Variants in SCHIP1 observed in about 807,000 individuals in gnomAD.
The protein encoded by SCHIP1 is schwannomin-interacting protein 1.
In SCHIP1, 8 loss-of-function variants were observed where a neutral mutation model predicts 29.7. The ratio of observed to expected loss-of-function variants is 0.27; its 90% CI spans 0.16 to 0.49. The LOEUF (loss-of-function observed/expected upper bound fraction) is 0.49. SCHIP1 is among the 20% of genes least tolerant of loss of function. The pLI is 0.99. For missense variants in SCHIP1, 193 were observed against 294.6 expected (o/e 0.66, Z 2.52); for synonymous variants, 76 against 94.9 (o/e 0.80, Z 1.16).
chr3:159,413,830 T>A, the SCHIP1 span, among the ~76,000 whole-genome samples: 3 of 152,164 alleles, frequency 2.0e-5, no homozygotes, highest in Non-Finnish European at 4.4e-5. Context: ...ATCTTAGTGT[T>A]AAAAATATAA....
At chr3:159,721,362 T>C in the SCHIP1 span, among the ~76,000 whole-genome samples, 2 of 152,188 alleles carry the variant, frequency 1.3e-5, no homozygotes, top group African/African-American at 4.8e-5. Flanking sequence ...AGTTACAAAT[T>C]TAGTGCTTGA....
the SCHIP1 span, chr3:159,768,177 A>T: frequency 6.6e-6 from 1 of 152,138 alleles, no homozygotes; most frequent in Non-Finnish European, 1.5e-5. Context: ...AATAATTTGA[A>T]ATAAAAGGAA....
the SCHIP1 span, among the ~76,000 whole-genome samples, chr3:159,502,898 C>T: frequency 3.7e-4 from 56 of 152,126 alleles, no homozygotes; most frequent in Non-Finnish European, 6.0e-4. Flanking sequence ...CAGGATTAAG[C>T]AAGGAAGGGC....
At chr3:159,890,563 C>A (rs887135852) in intron 5 of SCHIP1, among the ~76,000 whole-genome samples, 3 of 152,064 alleles carry the variant, frequency 2.0e-5, no homozygotes, top group African/African-American at 7.2e-5. Context: ...GATTAAGAAA[C>A]CATAGATTCA....
At chr3:159,360,976 T>A in the SCHIP1 span, among the ~76,000 whole-genome samples, 3 of 152,176 alleles carry the variant, frequency 2.0e-5, no homozygotes, top group African/African-American at 7.2e-5. Flanking sequence ...TCGGGGTTAC[T>A]TTTATCTTTA....
chr3:159,635,413 G>T, the SCHIP1 span, among the ~76,000 whole-genome samples: 1 of 152,172 alleles, frequency 6.6e-6, no homozygotes, highest in Non-Finnish European at 1.5e-5. Flanking sequence ...AATTGACATG[G>T]AAGTATTTTA....
the SCHIP1 span, among the ~76,000 whole-genome samples, chr3:159,513,246 C>A: frequency 1.3e-5 from 2 of 152,148 alleles, no homozygotes; most frequent in African/African-American, 4.8e-5. Flanking sequence ...GTGGGGGGTA[C>A]AAAGACAGCT....
the SCHIP1 span, among the ~76,000 whole-genome samples, chr3:159,596,983 A>T: frequency 0.056 from 7,210 of 128,738 alleles, 590 homozygotes; most frequent in African/African-American, 0.24. Context: ...AAGCATCTTT[A>T]AAAAAAAAAA....
At chr3:159,843,541 C>T (rs1577413853) in intron 1 of SCHIP1, among the ~76,000 whole-genome samples, 1 of 152,056 alleles carries the variant, frequency 6.6e-6, no homozygotes, top group East Asian at 1.9e-4. Flanking sequence ...CATTGTAAGG[C>T]AGGGCGTGGT....
chr3:159,421,385 G>C, the SCHIP1 span, among the ~76,000 whole-genome samples: 1 of 152,216 alleles, frequency 6.6e-6, no homozygotes, highest in African/African-American at 2.4e-5. Context: ...CTTTCATCAA[G>C]AGGAATCCTG....
chr3:159,533,900 T>G, the SCHIP1 span, among the ~76,000 whole-genome samples: 1 of 152,208 alleles, frequency 6.6e-6, no homozygotes, highest in African/African-American at 2.4e-5. Flanking sequence ...TACACTGGAA[T>G]ACTTTTTTAA....
At chr3:159,321,648 C>T in the SCHIP1 span, among the ~76,000 whole-genome samples, 22 of 151,976 alleles carry the variant, frequency 1.4e-4, no homozygotes, top group East Asian at 2.9e-3. Context: ...ATGTGCCATG[C>T]GGGCAGAAAC....
chr3:159,393,021 G>T, the SCHIP1 span, among the ~76,000 whole-genome samples: 2 of 152,174 alleles, frequency 1.3e-5, no homozygotes, highest in Non-Finnish European at 2.9e-5. Context: ...GGTGTGAGAT[G>T]GTATCTCATT....
the SCHIP1 span, among the ~76,000 whole-genome samples, chr3:159,728,008 T>TG: frequency 6.8e-6 from 1 of 147,204 alleles, no homozygotes; most frequent in African/African-American, 2.6e-5. Flanking sequence ...TTTTGTTTTT[T>TG]TTTTTTTTAA....
the SCHIP1 span, among the ~76,000 whole-genome samples, chr3:159,389,342 TAAA>T: frequency 6.6e-6 from 1 of 152,074 alleles, no homozygotes; most frequent in African/African-American, 2.4e-5. Flanking sequence ...AAAAGCATGT[TAAA>T]AATGTTCCTC....
At chr3:159,831,466 G>T in the SCHIP1 span, among the ~76,000 whole-genome samples, 2 of 151,918 alleles carry the variant, frequency 1.3e-5, no homozygotes, top group Non-Finnish European at 2.9e-5. Context: ...AATATATTAT[G>T]GTTTTTTCCT....
the SCHIP1 span, among the ~76,000 whole-genome samples, chr3:159,652,359 G>A: frequency 2.0e-5 from 3 of 152,078 alleles, no homozygotes; most frequent in Non-Finnish European, 4.4e-5. Context: ...GTTAGACACC[G>A]TTAAGAAGTA....
At chr3:159,725,986 A>G in the SCHIP1 span, among the ~76,000 whole-genome samples, 1 of 152,150 alleles carries the variant, frequency 6.6e-6, no homozygotes, top group Non-Finnish European at 1.5e-5. Flanking sequence ...TATACTACTT[A>G]TATTCCATTA....
chr3:159,703,614 T>G, the SCHIP1 span, among the ~76,000 whole-genome samples: 2 of 152,214 alleles, frequency 1.3e-5, no homozygotes, highest in Non-Finnish European at 2.9e-5. Flanking sequence ...TCTAGTGCGC[T>G]GAAGCATTTC....
Sources: gnomAD v4.1 joint callset for allele counts (sites outside exome capture counted in the v4.1 genomes callset) on GRCh38, gnomAD v4.1.1 for gene constraint, MANE v1.5 for transcripts, NCBI Gene and HGNC (gene_info 2026-07-23, HGNC 2026-07-21) for gene names.